Variants in ZNF799 observed in about 807,000 individuals in gnomAD.
ZNF799 encodes zinc finger protein 14.
A neutral mutation model predicts 41.0 loss-of-function variants in ZNF799; 28 were observed. That is an observed-to-expected ratio of 0.68 (90% CI 0.51 to 0.94). The LOEUF is 0.94. ZNF799 is among the 40% of genes least tolerant of loss of function. ZNF799 has a pLI of 0.00. For synonymous variants in ZNF799, 213 were observed against 252.9 expected (o/e 0.84, Z 1.50); for missense variants, 716 against 764.3 (o/e 0.94, Z 0.74).
At chr19:12,401,442 C>T (rs1568505589), upstream of ZNF799, among the ~76,000 whole-genome samples, 1 of 152,104 alleles carries the variant, frequency 6.6e-6, no homozygotes, top group Non-Finnish European at 1.5e-5. Flanking sequence ...TGATCTGAAT[C>T]CTCCCGAGGG....
In ZNF799 at chr19:12,397,975, G is replaced by C. The variant is rs528015893; in HGVS notation, c.3+3093C>G. Among the ~76,000 whole-genome samples the C allele has an allele frequency of 2.0e-5, 3 of 152,328 alleles. No individual in the cohort carries two copies. The East Asian group carries it at 5.8e-4, about 29-fold the overall frequency. ...CTAATCAAAAGCCATATGGGGCTGG[G>C]CATGGTGGCTCATGCCTATAATCCC... is the stretch of plus-strand genomic sequence containing the variant. On this transcript the variant is annotated intron_variant, in intron 1 of 3. Transcript: ENST00000430385.
intron 1 of ZNF799, among the ~76,000 whole-genome samples, chr19:12,396,026 T>C (rs1037219405): frequency 3.9e-5 from 6 of 152,280 alleles, no homozygotes; most frequent in African/African-American, 1.4e-4. Context: ...ATTAAACAAA[T>C]GAACAATTAC....
chr19:12,413,613 G>A, the ZNF799 span, among the ~76,000 whole-genome samples: 4 of 152,170 alleles, frequency 2.6e-5, no homozygotes, highest in Admixed American at 6.5e-5. Context: ...ACACACATGC[G>A]TACACGGTCA....
upstream of ZNF799, among the ~76,000 whole-genome samples, chr19:12,401,596 GA>G (rs1281421309): frequency 3.6e-5 from 5 of 137,488 alleles, no homozygotes; most frequent in East Asian, 4.4e-4. Context: ...GAGAGAGAGA[GA>G]GAGGGAGTCT....
At chr19:12,412,315 TG>T in the ZNF799 span, among the ~76,000 whole-genome samples, 2,189 of 152,286 alleles carry the variant, frequency 0.014, 42 homozygotes, top group African/African-American at 0.05. Context: ...CAAGTGTCCA[TG>T]TAACTCAAGA....
chr19:12,413,633 T>C, the ZNF799 span, among the ~76,000 whole-genome samples: 1 of 152,222 alleles, frequency 6.6e-6, no homozygotes, highest in Non-Finnish European at 1.5e-5. Flanking sequence ...AGACAGGTAA[T>C]GTACACATGC....
the ZNF799 span, among the ~76,000 whole-genome samples, chr19:12,412,509 G>A: frequency 1.7e-4 from 25 of 150,700 alleles, 1 homozygote; most frequent in South Asian, 1.5e-3. Flanking sequence ...TCTTGGCTGC[G>A]GCTGTCTTGG....
chr19:12,401,292 A>C (rs528675575), upstream of ZNF799: 35 of 1,333,178 alleles, frequency 2.6e-5, no homozygotes, highest in African/African-American at 3.7e-4. Context: ...AACCCGCCCC[A>C]CGGCCCTTAC....
chr19:12,406,168 CAAA>C (rs940819306), upstream of ZNF799, among the ~76,000 whole-genome samples: 3 of 58,978 alleles, frequency 5.1e-5, no homozygotes. Context: ...GACTCTGTCT[CAAA>C]AAAAAAAAAA....
intron 1 of ZNF799, 157 bp downstream of exon 1, chr19:12,400,911 G>A (rs187449009): frequency 1.2e-4 from 159 of 1,365,662 alleles, no homozygotes; most frequent in Admixed American, 3.7e-4. Context: ...TGCATGCCCA[G>A]CCCCACCCTG....
In ZNF799 at chr19:12,390,601, A is replaced by C. The variant is rs754051990; in HGVS notation, c.1797T>G (p.Ser599=). 6.2e-7 allele frequency: 1 copy of C among 1,613,670 alleles called. No individual in the cohort carries two copies. Residue 599 remains serine, a synonymous_variant, in exon 4 of 4, where the codon TCT becomes TCG. Transcript: ENST00000430385. ...TTTTATGTCTATGCAAGGAACTGAG[A>C]GAAGCAAATGCTTTCCCACATTCCT... The part of the protein sequence containing the change: ...ECKECGKAFA[S]LSSLHRHKKT...
intron 1 of ZNF799, among the ~76,000 whole-genome samples, chr19:12,397,643 CAT>C (rs1033217536): frequency 1.4e-5 from 2 of 145,656 alleles, no homozygotes; most frequent in African/African-American, 5.1e-5. Flanking sequence ...AAAATACAAT[CAT>C]ATAGACTCCT....
chr19:12,399,816 T>C (rs1969950699), intron 1 of ZNF799, among the ~76,000 whole-genome samples: 1 of 151,954 alleles, frequency 6.6e-6, no homozygotes, highest in African/African-American at 2.4e-5. Flanking sequence ...GCTAATTTTA[T>C]TATTATCATT....
upstream of ZNF799, among the ~76,000 whole-genome samples, chr19:12,403,007 G>A (rs112824876): frequency 9.5e-4 from 145 of 152,294 alleles, no homozygotes; most frequent in Non-Finnish European, 1.7e-3. Context: ...AGTAGGATTG[G>A]TATTAGTTCT....
At chr19:12,401,773 A>G (rs1417206448), upstream of ZNF799, among the ~76,000 whole-genome samples, 11 of 151,610 alleles carry the variant, frequency 7.3e-5, no homozygotes, top group South Asian at 1.9e-3. Context: ...GCCGGGTTTC[A>G]CCATGTTGGC....
chr19:12,390,850 A>G lies in ZNF799; in HGVS notation c.1548T>C (p.Phe516=), dbSNP rs1240008490. 7 of 1,614,016 alleles carry G rather than the reference A, an allele frequency of 4.3e-6. No homozygotes were observed. Among genetic ancestry groups the G allele is most frequent in the Non-Finnish European group, 8.5e-7 (1 of 1,180,010 alleles). ...CNTCKKAFSH[F]GNLKVHERIH... ...TTCTTTCATGTACTTTTAAGTTACC[A>G]AAATGACTGAAGGCTTTCTTACATG... The change falls in exon 4 of 4, where the codon TTT becomes TTC. Residue 516 remains phenylalanine (F), a synonymous_variant. Transcript: ENST00000430385.
chr19:12,412,946 G>A, the ZNF799 span, among the ~76,000 whole-genome samples: 24 of 150,332 alleles, frequency 1.6e-4, no homozygotes, highest in South Asian at 4.6e-3. Context: ...CAGGAGAATC[G>A]CTTGAACCCG....
the ZNF799 span, among the ~76,000 whole-genome samples, chr19:12,408,182 A>G: frequency 6.6e-6 from 1 of 152,150 alleles, no homozygotes; most frequent in Non-Finnish European, 1.5e-5. Flanking sequence ...AAAGAAAAGA[A>G]AAGAAAAGAA....
intron 1 of ZNF799, among the ~76,000 whole-genome samples, chr19:12,397,239 C>T (rs1294055432): frequency 4.6e-5 from 7 of 151,942 alleles, no homozygotes; most frequent in Non-Finnish European, 8.8e-5. Context: ...ACTCCAAATG[C>T]TAGGGAAATC....
Sources: allele counts gnomAD v4.1 joint callset (sites outside exome capture counted in the v4.1 genomes callset), GRCh38; gene constraint gnomAD v4.1.1; transcripts MANE v1.5; gene names NCBI Gene and HGNC (gene_info 2026-07-23, HGNC 2026-07-21).